Variants in ELMO1 observed in about 807,000 individuals in gnomAD.
ELMO1 encodes engulfment and cell motility 1.
Under a neutral mutation model 98.9 loss-of-function variants are expected in ELMO1, and 26 were observed. The ratio of observed to expected loss-of-function variants is 0.26; its 90% CI spans 0.19 to 0.36. ELMO1 has a LOEUF of 0.36. ELMO1 is among the 10% of genes least tolerant of loss of function. The pLI is 1.00. For synonymous variants in ELMO1, 346 were observed against 346.0 expected (o/e 1.00, Z 0.00); for missense variants, 627 against 935.2 (o/e 0.67, Z 4.30).
intron 1 of ELMO1, among the ~76,000 whole-genome samples, chr7:37,387,870 T>C (rs1046258308): frequency 2.6e-5 from 4 of 152,150 alleles, no homozygotes; most frequent in African/African-American, 9.7e-5. Flanking sequence ...CTTACTCTGT[T>C]ACCCAGGCTG....
chr7:37,412,532 T>A (rs1804033952), intron 1 of ELMO1, among the ~76,000 whole-genome samples: 1 of 152,234 alleles, frequency 6.6e-6, no homozygotes, highest in South Asian at 2.1e-4. Flanking sequence ...AGTTAAACAC[T>A]GTGCAGACAC....
intron 15 of ELMO1, among the ~76,000 whole-genome samples, chr7:37,051,875 A>G (rs557700912): frequency 6.6e-6 from 1 of 152,148 alleles, no homozygotes; most frequent in Admixed American, 6.5e-5. Context: ...CCTTCTCTCT[A>G]GGACAATTAG....
intron 14 of ELMO1, among the ~76,000 whole-genome samples, chr7:37,128,929 A>G (rs1786712555): frequency 6.6e-6 from 1 of 152,144 alleles, no homozygotes; most frequent in Admixed American, 6.6e-5. Flanking sequence ...CTAGGATTTA[A>G]ATTGTGTGTC....
intron 16 of ELMO1, among the ~76,000 whole-genome samples, chr7:36,958,863 T>A (rs1788693518): frequency 6.6e-6 from 1 of 152,030 alleles, no homozygotes; most frequent in African/African-American, 2.4e-5. Flanking sequence ...TCTGATCTAG[T>A]ATCAATTATG....
At chr7:36,944,481 G>A (rs973120326) in intron 16 of ELMO1, among the ~76,000 whole-genome samples, 3 of 152,138 alleles carry the variant, frequency 2.0e-5, no homozygotes, top group East Asian at 1.9e-4. Flanking sequence ...GGGACCTCCC[G>A]TATAATATTT....
chr7:36,916,084 C>T (rs1437650578), intron 16 of ELMO1, among the ~76,000 whole-genome samples: 1 of 152,144 alleles, frequency 6.6e-6, no homozygotes, highest in African/African-American at 2.4e-5. Flanking sequence ...ATACCTCTCT[C>T]CTAGGGTTGC....
intron 14 of ELMO1, among the ~76,000 whole-genome samples, chr7:37,129,217 C>T (rs758607570): frequency 7.9e-5 from 12 of 150,986 alleles, no homozygotes; most frequent in Non-Finnish European, 1.8e-4. Flanking sequence ...CAGAGATAGG[C>T]TGTGGGCCAG....
intron 1 of ELMO1, among the ~76,000 whole-genome samples, chr7:37,396,061 T>C (rs544304756): frequency 6.6e-6 from 1 of 152,280 alleles, no homozygotes; most frequent in East Asian, 1.9e-4. Flanking sequence ...GAGAATAATG[T>C]GGGTTTTCAT....
At chr7:36,859,107 G>C (rs986727124) in intron 21 of ELMO1, among the ~76,000 whole-genome samples, 1 of 152,132 alleles carries the variant, frequency 6.6e-6, no homozygotes, top group South Asian at 2.1e-4. Context: ...GAGACAGAGA[G>C]AGAGAAAGAG....
intron 14 of ELMO1, among the ~76,000 whole-genome samples, chr7:37,124,911 C>T (rs1403915229): frequency 6.6e-6 from 1 of 152,198 alleles, no homozygotes; most frequent in Non-Finnish European, 1.5e-5. Context: ...GTAACCAAAA[C>T]AGCATGGTAC....
intron 1 of ELMO1, among the ~76,000 whole-genome samples, chr7:37,427,357 G>T (rs913785689): frequency 6.6e-6 from 1 of 152,168 alleles, no homozygotes; most frequent in South Asian, 2.1e-4. Flanking sequence ...TCTCCCTCCA[G>T]GAAAAACACT....
intron 6 of ELMO1, among the ~76,000 whole-genome samples, chr7:37,245,106 TC>T (rs113642926): frequency 0.046 from 6,942 of 152,192 alleles, 510 homozygotes; most frequent in African/African-American, 0.16. Context: ...GAAACATCCA[TC>T]CCCTCTTTGC....
intron 1 of ELMO1, among the ~76,000 whole-genome samples, chr7:37,444,513 A>G (rs1000449435): frequency 4.7e-5 from 7 of 149,332 alleles, no homozygotes; most frequent in African/African-American, 1.7e-4. Flanking sequence ...TTCTACAAAT[A>G]GTGGCATTTT....
chr7:37,435,631 T>C (rs758459314), intron 1 of ELMO1, among the ~76,000 whole-genome samples: 6 of 152,260 alleles, frequency 3.9e-5, no homozygotes, highest in Non-Finnish European at 7.3e-5. Context: ...GCCTGTCTTA[T>C]CATTCCCAGG....
chr7:36,858,242 A>G (rs1802354605), intron 21 of ELMO1, among the ~76,000 whole-genome samples: 1 of 152,220 alleles, frequency 6.6e-6, no homozygotes, highest in Admixed American at 6.5e-5. Flanking sequence ...TAAAGAAGGA[A>G]TAATAAAATT....
intron 1 of ELMO1, among the ~76,000 whole-genome samples, chr7:37,365,052 G>A (rs1402686228): frequency 2.6e-5 from 4 of 152,064 alleles, no homozygotes; most frequent in African/African-American, 4.8e-5. Context: ...CTGAGCCTGC[G>A]GAGAATGGAA....
intron 16 of ELMO1, among the ~76,000 whole-genome samples, chr7:36,953,455 T>C (rs775834881): frequency 2.6e-5 from 4 of 152,236 alleles, no homozygotes; most frequent in Non-Finnish European, 4.4e-5. Context: ...CTAGACAGAA[T>C]AGATAAGCAA....
chr7:37,312,086 G>A (rs998019602), intron 4 of ELMO1, among the ~76,000 whole-genome samples: 2 of 152,178 alleles, frequency 1.3e-5, no homozygotes, highest in Non-Finnish European at 2.9e-5. Context: ...TACATACTTT[G>A]TTTTTTGTTG....
At position 37,047,812 on chromosome 7, in the gene ELMO1, T is replaced by C. The variant is rs148048000; in HGVS notation, c.1301-34377A>G. ...CAGTTGAGCCTATCAGATAAGTATC[T>C]CCAGGAAAGAATTCATACAGTACAG... On this transcript the variant is annotated intron_variant, in intron 15 of 21. Transcript: ENST00000310758. Among the ~76,000 whole-genome samples the C allele has an allele frequency of 9.0e-3, 1,375 of 152,256 alleles. 6 individuals are homozygous for C. The highest frequency in any genetic ancestry group is 0.014 in the Middle Eastern group (4 of 294).
Sources: gnomAD v4.1 joint callset for allele counts (sites outside exome capture counted in the v4.1 genomes callset) on GRCh38, gnomAD v4.1.1 for gene constraint, MANE v1.5 for transcripts, NCBI Gene and HGNC (gene_info 2026-07-23, HGNC 2026-07-21) for gene names.